The following SEL1L3 variants were observed in gnomAD, a reference collection of about 807,000 sequenced individuals.
The protein encoded by SEL1L3 is SEL1L family member 3.
Under a neutral mutation model 142.8 loss-of-function variants are expected in SEL1L3, and 76 were observed. The ratio of observed to expected loss-of-function variants is 0.53; its 90% confidence interval spans 0.44 to 0.64. The LOEUF (loss-of-function observed/expected upper bound fraction) is 0.64, where lower values mean the gene tolerates loss of function less well. Ranked by LOEUF, SEL1L3 falls within the 30% of genes least tolerant of loss-of-function variation. The pLI is 0.00. For missense variants in SEL1L3, 1,262 were observed against 1,381.7 expected (o/e 0.91, Z 1.37); for synonymous variants, 504 against 519.6 (o/e 0.97, Z 0.41).
At chr4:25,846,912 C>CAA (rs71184268) in intron 2 of SEL1L3, among the ~76,000 whole-genome samples, 3,922 of 70,900 alleles carry the variant, frequency 0.055, 263 homozygotes, top group African/African-American at 0.14. Flanking sequence ...GACTCCATCT[C>CAA]AAAAAAAAAA....
intron 11 of SEL1L3, among the ~76,000 whole-genome samples, chr4:25,798,678 A>G (rs1490162344): frequency 1.1e-4 from 17 of 152,154 alleles, no homozygotes; most frequent in Non-Finnish European, 2.1e-4. Flanking sequence ...AAATACAAAA[A>G]TTAGCCGGGC....
At chr4:25,862,651 A>G in intron 1 of SEL1L3, 24 bp downstream of exon 1, 1 of 1,223,534 alleles carries the variant, frequency 8.2e-7, no homozygotes. Flanking sequence ...GGAGGGGAAG[A>G]CCCGGGCAGG....
the SEL1L3 span, among the ~76,000 whole-genome samples, chr4:25,725,184 T>C: frequency 6.6e-6 from 1 of 152,182 alleles, no homozygotes; most frequent in African/African-American, 2.4e-5. Flanking sequence ...ACAGGGTTCT[T>C]GGATCTTGCG....
At chr4:25,765,928 C>T (rs1320243042) in intron 19 of SEL1L3, among the ~76,000 whole-genome samples, 4 of 152,066 alleles carry the variant, frequency 2.6e-5, no homozygotes, top group African/African-American at 4.8e-5. Flanking sequence ...TGTGAGCCAC[C>T]GTGCCTGGAC....
At chr4:25,761,417 A>G (rs1442582589) in intron 20 of SEL1L3, among the ~76,000 whole-genome samples, 1 of 152,142 alleles carries the variant, frequency 6.6e-6, no homozygotes, top group East Asian at 1.9e-4. Context: ...TGGCCTCCCA[A>G]AGTGCTGGCA....
downstream of SEL1L3, among the ~76,000 whole-genome samples, chr4:25,746,574 T>C (rs1028413852): frequency 6.6e-5 from 9 of 135,942 alleles, no homozygotes; most frequent in Non-Finnish European, 6.3e-5. Flanking sequence ...ATATATTCTT[T>C]CTATATATAG....
chr4:25,795,060 T>TGGGGGGGGG (rs199884490), intron 11 of SEL1L3, among the ~76,000 whole-genome samples: 9 of 42,266 alleles, frequency 2.1e-4, no homozygotes, highest in East Asian at 1.2e-3. Context: ...TCTTGGGGGG[T>TGGGGGGGGG]GGGGGGGAGG....
At chr4:25,858,572 ATTTT>A (rs139555950) in intron 1 of SEL1L3, among the ~76,000 whole-genome samples, 2 of 149,426 alleles carry the variant, frequency 1.3e-5, no homozygotes, top group Admixed American at 6.6e-5. Context: ...GTTTTTTTTG[ATTTT>A]TTTGTTTGTT....
At chr4:25,845,931 G>C (rs62409280) in intron 2 of SEL1L3, among the ~76,000 whole-genome samples, 1 of 152,170 alleles carries the variant, frequency 6.6e-6, no homozygotes, top group African/African-American at 2.4e-5. Context: ...GGGTGCATTA[G>C]AGTCGTGAGG....
the SEL1L3 span, chr4:25,720,991 T>C: frequency 6.6e-6 from 1 of 152,164 alleles, no homozygotes; most frequent in Non-Finnish European, 1.5e-5. Flanking sequence ...AGTGGTAGAA[T>C]GCCCAGAAGA....
At chr4:25,816,374 C>A (rs981034267) in intron 9 of SEL1L3, among the ~76,000 whole-genome samples, 13 of 152,128 alleles carry the variant, frequency 8.5e-5, no homozygotes, top group African/African-American at 2.9e-4. Flanking sequence ...TGGACCCAGG[C>A]CAGCTGGCTC....
intron 1 of SEL1L3, among the ~76,000 whole-genome samples, chr4:25,852,954 C>T (rs1053458480): frequency 3.3e-5 from 5 of 152,156 alleles, no homozygotes; most frequent in African/African-American, 7.2e-5. Flanking sequence ...TCATAATAAC[C>T]GTGTTCATTA....
At chr4:25,729,076 A>G in the SEL1L3 span, among the ~76,000 whole-genome samples, 1 of 152,122 alleles carries the variant, frequency 6.6e-6, no homozygotes, top group Admixed American at 6.5e-5. Flanking sequence ...AGCCTTGGAA[A>G]AAAAAGAATG....
At chr4:25,786,727 G>A (rs1371593256) in intron 13 of SEL1L3, among the ~76,000 whole-genome samples, 2 of 152,144 alleles carry the variant, frequency 1.3e-5, no homozygotes, top group Admixed American at 6.5e-5. Flanking sequence ...AGCCCTGAAT[G>A]GAATGGATGC....
intron 9 of SEL1L3, among the ~76,000 whole-genome samples, chr4:25,811,236 G>C (rs1713998874): frequency 6.6e-6 from 1 of 152,164 alleles, no homozygotes; most frequent in African/African-American, 2.4e-5. Flanking sequence ...AACTATGACG[G>C]CTACATTTCT....
the SEL1L3 span, among the ~76,000 whole-genome samples, chr4:25,741,571 T>C: frequency 6.6e-6 from 1 of 152,124 alleles, no homozygotes; most frequent in Non-Finnish European, 1.5e-5. Flanking sequence ...TTCTACGAGG[T>C]TCTGCCCCTT....
the SEL1L3 span, among the ~76,000 whole-genome samples, chr4:25,737,302 C>T: frequency 5.3e-5 from 8 of 152,156 alleles, no homozygotes; most frequent in Admixed American, 5.2e-4. Flanking sequence ...GTTTAAACAA[C>T]AGAACTTTAT....
the SEL1L3 span, among the ~76,000 whole-genome samples, chr4:25,729,949 C>T: frequency 6.6e-6 from 1 of 151,432 alleles, no homozygotes; most frequent in African/African-American, 2.4e-5. Context: ...TCTTCCCCTC[C>T]TTCTCCTTCT....
At chr4:25,730,091 G>A in the SEL1L3 span, among the ~76,000 whole-genome samples, 2 of 151,748 alleles carry the variant, frequency 1.3e-5, no homozygotes, top group South Asian at 2.1e-4. Flanking sequence ...CCGCCACCAT[G>A]CCTGGCTAAT....
Sources: allele counts gnomAD v4.1 joint callset (sites outside exome capture counted in the v4.1 genomes callset), GRCh38; gene constraint gnomAD v4.1.1; transcripts MANE v1.5; gene names NCBI Gene and HGNC (gene_info 2026-07-23, HGNC 2026-07-21).